The following C5orf58 variants were observed in gnomAD, a reference collection of about 807,000 sequenced individuals.
C5orf58 encodes the protein chromosome 5 open reading frame 58.
Under a neutral mutation model 2.9 loss-of-function variants are expected in C5orf58, and 2 were observed. The ratio of observed to expected loss-of-function variants is 0.69; its 90% CI spans 0.28 to 2.18. The LOEUF (loss-of-function observed/expected upper bound fraction) is 2.18. Ranked by LOEUF, C5orf58 falls within the 30% of genes most tolerant of loss-of-function variation. The probability of loss-of-function intolerance (pLI) is 0.13; values close to 1 mark genes in which losing one functional copy is unlikely to be tolerated. For synonymous variants in C5orf58, 37 were observed against 33.4 expected, an observed-to-expected ratio of 1.11 and a Z score of -0.37; for missense variants, 96 against 91.7, an observed-to-expected ratio of 1.05 and a Z score of -0.19.
intron 3 of C5orf58, among the ~76,000 whole-genome samples, chr5:170,238,513 A>C (rs1760836296): frequency 6.6e-6 from 1 of 152,204 alleles, no homozygotes; most frequent in East Asian, 1.9e-4. Flanking sequence ...AAGAGAGAAC[A>C]TACACAAGGA....
chr5:170,251,356 CTAGA>C (rs1308771815), intron 2 of C5orf58: 6 of 212,156 alleles, frequency 2.8e-5, no homozygotes, highest in Non-Finnish European at 4.9e-5. Context: ...CCTGTGATCT[CTAGA>C]TAGTCTTTCC....
intron 3 of C5orf58, among the ~76,000 whole-genome samples, chr5:170,240,519 A>T (rs1760952312): frequency 6.6e-6 from 1 of 151,936 alleles, no homozygotes; most frequent in African/African-American, 2.4e-5. Context: ...CATTTCTCTG[A>T]TGGCCAGTGA....
chr5:170,248,511 T>C (rs1297714060), downstream of C5orf58: 1 of 598,024 alleles, frequency 1.7e-6, no homozygotes, highest in South Asian at 1.9e-5. Context: ...TGAAGAAGAA[T>C]AAATAAATTA....
chr5:170,236,817 T>A (rs1760760701), intron 3 of C5orf58, among the ~76,000 whole-genome samples: 1 of 152,192 alleles, frequency 6.6e-6, no homozygotes, highest in Non-Finnish European at 1.5e-5. Context: ...AATGGAAAAC[T>A]TTTTTTGAGC....
At chr5:170,239,562 G>A (rs893879643) in intron 3 of C5orf58, among the ~76,000 whole-genome samples, 3 of 152,010 alleles carry the variant, frequency 2.0e-5, no homozygotes, top group African/African-American at 7.3e-5. Context: ...GCCTCTGGGA[G>A]ATTGGAACTG....
intron 1 of C5orf58, 41 bp downstream of exon 1, chr5:170,233,048 T>A: frequency 1.1e-6 from 1 of 895,634 alleles, no homozygotes. Context: ...GATCCTAATC[T>A]GGTTTGGGAG....
chr5:170,234,073 G>A, intron 1 of C5orf58, 42 bp from the exon 2 acceptor site: 2 of 1,228,698 alleles, frequency 1.6e-6, no homozygotes, highest in Non-Finnish European at 2.2e-6. Context: ...CTTGGGGGTA[G>A]ATGCAAAGCG....
chr5:170,239,429 A>C (rs1366911316), intron 3 of C5orf58, among the ~76,000 whole-genome samples: 1 of 151,588 alleles, frequency 6.6e-6, no homozygotes, highest in African/African-American at 2.4e-5. Flanking sequence ...CAAAAAATTT[A>C]AAGTTACAGA....
chr5:170,234,067 G>T, intron 1 of C5orf58, 48 bp from the exon 2 acceptor site: 8 of 1,152,728 alleles, frequency 6.9e-6, no homozygotes, highest in Non-Finnish European at 7.2e-6. Flanking sequence ...TGGGGTCTTG[G>T]GGGTAGATGC....
intron 1 of C5orf58, 41 bp from the exon 2 acceptor site, chr5:170,234,073 GA>G (rs1760637826): frequency 8.1e-7 from 1 of 1,228,580 alleles, no homozygotes; most frequent in Non-Finnish European, 1.1e-6. Flanking sequence ...CTTGGGGGTA[GA>G]TGCAAAGCGC....
intron 3 of C5orf58, among the ~76,000 whole-genome samples, chr5:170,240,538 A>AT (rs1300079659): frequency 1.3e-5 from 2 of 151,902 alleles, no homozygotes; most frequent in East Asian, 3.9e-4. Flanking sequence ...GATGATGAGC[A>AT]TTTTTTCATG....
chr5:170,244,184 C>T (rs1331866165), intron 3 of C5orf58, among the ~76,000 whole-genome samples: 3 of 147,532 alleles, frequency 2.0e-5, no homozygotes, highest in Non-Finnish European at 4.5e-5. Context: ...GAGGGTAACC[C>T]GACCTTTCTC....
downstream of C5orf58, chr5:170,250,606 T>C: frequency 2.7e-6 from 2 of 741,458 alleles, no homozygotes. Flanking sequence ...AATGAAGGGC[T>C]TCACTCATGT....
downstream of C5orf58, among the ~76,000 whole-genome samples, chr5:170,249,527 T>C (rs989798885): frequency 3.9e-5 from 6 of 151,962 alleles, no homozygotes; most frequent in African/African-American, 1.5e-4. Flanking sequence ...TGCATCTCTA[T>C]TTCACCCCCA....
chr5:170,239,773 CTTAT>C (rs1024191861), intron 3 of C5orf58, among the ~76,000 whole-genome samples: 10 of 151,680 alleles, frequency 6.6e-5, no homozygotes, highest in African/African-American at 2.4e-4. Context: ...TAACATAAAT[CTTAT>C]TTTTTTTTTA....
rs76198060 is a variant in C5orf58, at chr5:170,238,532, C to T, written c.94+3462C>T. ...GAGAACATACACAAGGAATGAAGGGCAATTCATTAAAGAAATAAAGAAAAC... is the reference window on the plus strand; with the variant it reads ...GAGAACATACACAAGGAATGAAGGGTAATTCATTAAAGAAATAAAGAAAAC... On this transcript the variant is annotated intron_variant, in intron 3 of 3. Transcript: ENST00000593851. Among the ~76,000 whole-genome samples the T allele has an allele frequency of 8.6e-3, 1,301 of 152,118 alleles. 21 individuals carry two copies. The highest frequency in any genetic ancestry group is 0.03 in the African/African-American group (1,256 of 41,476).
intron 2 of C5orf58, 54 bp from the exon 3 acceptor site, chr5:170,234,923 A>T (rs1228599658): frequency 1.4e-6 from 1 of 707,354 alleles, no homozygotes; most frequent in African/African-American, 1.9e-5. Context: ...AGTATTTTAA[A>T]AGTACACATA....
At position 170,233,010 on chromosome 5, in the gene C5orf58, G is replaced by T. The variant is rs959871685; in HGVS notation, c.-85+3G>T. 2.0e-6 allele frequency: 2 copies of T among 981,902 alleles called. No individual in the cohort carries two copies. The highest frequency in any genetic ancestry group is 6.1e-5 in the Admixed American group (1 of 16,266). The allele number at this position is 981,902 out of a possible 1,614,324, so 60.8% of individuals were successfully genotyped here. A position where few individuals can be genotyped will look rare whatever the true frequency, so the allele number is the denominator to read the frequency against. On this transcript the variant is annotated splice_donor_region_variant and intron_variant, in intron 1 of 3. Coordinates refer to ENST00000593851, the MANE Select transcript of C5orf58 (RefSeq NM_001102609.3). ...GAACCTCGGTGACGGTTGGCCAGGT[G>T]GGTAGTGACGGCTGCTCGGTCTTGA...
chr5:170,244,665 T>C (rs1761174194), intron 3 of C5orf58, among the ~76,000 whole-genome samples: 1 of 151,758 alleles, frequency 6.6e-6, no homozygotes, highest in South Asian at 2.1e-4. Context: ...TTGGTTATTC[T>C]AGTTATACAT....
Sources: allele counts gnomAD v4.1 joint callset (sites outside exome capture counted in the v4.1 genomes callset), GRCh38; gene constraint gnomAD v4.1.1; transcripts MANE v1.5; gene names NCBI Gene and HGNC (gene_info 2026-07-23, HGNC 2026-07-21).